DDX6: variants seen among roughly 807,000 people sequenced by gnomAD.
DDX6 encodes DEAD-box helicase 6.
In DDX6, 7 loss-of-function variants were observed where a neutral mutation model predicts 60.6. The ratio of observed to expected loss-of-function variants is 0.12; its 90% CI spans 0.07 to 0.22. The LOEUF (loss-of-function observed/expected upper bound fraction) is 0.22, where lower values mean the gene tolerates loss of function less well. DDX6 is among the 10% of genes least tolerant of loss of function. DDX6 has a pLI of 1.00. For synonymous variants in DDX6, 207 were observed against 201.0 expected, an observed-to-expected ratio of 1.03 and a Z score of -0.25; for missense variants, 270 against 589.9, an observed-to-expected ratio of 0.46 and a Z score of 5.62.
At chr11:118,780,114 C>CAAAAAAAAAAAAAAAAAAA (rs71044492) in intron 3 of DDX6, among the ~76,000 whole-genome samples, 1 of 40,286 alleles carries the variant, frequency 2.5e-5, no homozygotes. Flanking sequence ...GACTCTATCT[C>CAAAAAAAAAAAAAAAAAAA]AAAAAAAAAA....
chr11:118,747,914 C>CG lies in DDX6; in HGVS notation c.*4190_*4191insC, dbSNP rs1479868432. ...AACAAAAACAGAGCCCCCCCCCCCC[C>CG]CACTGGAACATCTGCCAATTAAGAG... On this transcript the variant is annotated 3_prime_UTR_variant, in exon 14 of 14. Transcript: ENST00000534980. 1 of 115,112 alleles carries CG rather than the reference C, an allele frequency of 8.7e-6. No homozygotes were observed. The highest frequency in any genetic ancestry group is 1.9e-5 in the Non-Finnish European group (1 of 54,046). 7.1% of individuals were successfully genotyped at this position (115,112 alleles called of 1,614,324 possible).
At chr11:118,761,997 G>A (rs905990627) in intron 7 of DDX6, among the ~76,000 whole-genome samples, 2 of 151,440 alleles carry the variant, frequency 1.3e-5, no homozygotes, top group Non-Finnish European at 3.0e-5. Flanking sequence ...AAACCAGGCC[G>A]GGCGTGGTGG....
chr11:118,777,986 A>G (rs946825984), intron 4 of DDX6, among the ~76,000 whole-genome samples: 3 of 151,694 alleles, frequency 2.0e-5, no homozygotes, highest in African/African-American at 4.8e-5. Flanking sequence ...AAGAGCTTAC[A>G]TTGGCCAGAT....
chr11:118,777,538 G>A (rs1257443906), intron 4 of DDX6, among the ~76,000 whole-genome samples: 1 of 152,110 alleles, frequency 6.6e-6, no homozygotes, highest in African/African-American at 2.4e-5. Flanking sequence ...AAGGATCCTT[G>A]GATGCCAATG....
chr11:118,768,834 T>C (rs1565569769), intron 4 of DDX6, among the ~76,000 whole-genome samples: 1 of 149,148 alleles, frequency 6.7e-6, no homozygotes, highest in Non-Finnish European at 1.5e-5. Context: ...CTAGGCAACA[T>C]GGAAAAACCC....
intron 4 of DDX6, among the ~76,000 whole-genome samples, chr11:118,775,447 T>G (rs568025691): frequency 2.4e-4 from 36 of 152,254 alleles, no homozygotes; most frequent in African/African-American, 8.2e-4. Context: ...TCCTAATATT[T>G]GTGACTTGTA....
At chr11:118,781,838 G>C (rs1230176899) in intron 2 of DDX6, among the ~76,000 whole-genome samples, 1 of 152,036 alleles carries the variant, frequency 6.6e-6, no homozygotes, top group Non-Finnish European at 1.5e-5. Context: ...TGAGGCAGGG[G>C]AATCACTTGA....
intron 4 of DDX6, among the ~76,000 whole-genome samples, chr11:118,778,565 A>G (rs561195880): frequency 6.6e-6 from 1 of 152,294 alleles, no homozygotes; most frequent in East Asian, 1.9e-4. Flanking sequence ...CTGAACATCT[A>G]TCTTACTGGG....
intron 3 of DDX6, among the ~76,000 whole-genome samples, chr11:118,779,974 A>C (rs934414009): frequency 1.3e-5 from 2 of 151,838 alleles, no homozygotes; most frequent in Non-Finnish European, 2.9e-5. Context: ...AAAATTAGCC[A>C]GGGTGGTGGT....
At position 118,751,852 on chromosome 11, in the gene DDX6, T is replaced by C. The variant is rs566944; in HGVS notation, c.*253A>G. 187 of 429,954 alleles carry C rather than the reference T, an allele frequency of 4.3e-4. No individual in the cohort carries two copies. Among genetic ancestry groups the C allele is most frequent in the African/African-American group, 3.3e-3 (163 of 48,728 alleles). 26.6% of individuals were successfully genotyped at this position (429,954 alleles called of 1,614,324 possible). ...CTTGTCCCCTTTCCCCAGAAAACATTTTTTAAAAACCAGCAGTTAGTGCAA... is the reference window on the plus strand; with the variant it reads ...CTTGTCCCCTTTCCCCAGAAAACATCTTTTAAAAACCAGCAGTTAGTGCAA... On this transcript the variant is annotated 3_prime_UTR_variant, in exon 14 of 14. Transcript: ENST00000534980.
intron 5 of DDX6, 66 bp from the exon 6 acceptor site, chr11:118,765,421 T>G: frequency 6.5e-7 from 1 of 1,533,138 alleles, no homozygotes; most frequent in Non-Finnish European, 9.0e-7. Flanking sequence ...CTATACATCA[T>G]TATTTACAAA....
intron 6 of DDX6, among the ~76,000 whole-genome samples, chr11:118,763,838 TAAA>T (rs58341763): frequency 1.8e-4 from 24 of 134,320 alleles, no homozygotes; most frequent in Admixed American, 3.1e-4. Flanking sequence ...TGTCTCAAAT[TAAA>T]AAAAAAAAAA....
Position 118,757,138 on chromosome 11 carries a change from T to C in DDX6, c.1110+33A>G, listed in dbSNP as rs555739141. 12 of 1,082,676 alleles carry C rather than the reference T, an allele frequency of 1.1e-5. No individual in the cohort carries two copies. In the African/African-American group the frequency reaches 1.6e-4, roughly 15 times the overall value. The allele number at this position is 1,082,676 out of a possible 1,614,324, so 67.1% of individuals were successfully genotyped here. ...ACAAAATAAAGAAAGAGATTTCTTA[T>C]TAAATTTGTGCAAGTTCTAGTTTTA... On this transcript the variant is annotated intron_variant, in intron 10 of 13. Coordinates refer to ENST00000534980, the MANE Select transcript of DDX6 (RefSeq NM_004397.6).
chr11:118,751,973 A>C lies in DDX6; in HGVS notation c.*132T>G, dbSNP rs1860789207. On this transcript the variant is annotated 3_prime_UTR_variant, in exon 14 of 14. Transcript: ENST00000534980. ...TCTCTTCACCAGTTAAAAAAAGAAA[A>C]TGTCTGAGCTCTTTTAAGTCTTCAT... 1.8e-5 allele frequency: 7 copies of C among 391,580 alleles called. No individual in the cohort carries two copies. The highest frequency in any genetic ancestry group is 1.4e-4 in the South Asian group (7 of 50,900). The allele number at this position is 391,580 out of a possible 1,614,324, so 24.3% of individuals were successfully genotyped here.
chr11:118,760,823 CAA>C (rs544626778), intron 7 of DDX6, among the ~76,000 whole-genome samples: 8 of 56,524 alleles, frequency 1.4e-4, no homozygotes, highest in Non-Finnish European at 2.0e-4. Context: ...TACTCCGTCT[CAA>C]AAAAAAAAAA....
rs544122245 is a variant in DDX6, at chr11:118,767,438, T to C, written c.499+785A>G. On this transcript the variant is annotated intron_variant, in intron 5 of 13. Transcript: ENST00000534980. The stretch of plus-strand genomic sequence containing the variant: ...GAAATCTTAATTCCATTAACTTACA[T>C]TGAATATAACTATGAAAATTTTTTA... Among the ~76,000 whole-genome samples, 156 of 152,282 alleles carry C rather than the reference T, an allele frequency of 1.0e-3. 1 individual carries two copies. The highest frequency in any genetic ancestry group is 6.0e-3 in the Admixed American group (91 of 15,284).
intron 4 of DDX6, among the ~76,000 whole-genome samples, chr11:118,774,431 C>T (rs1591912588): frequency 6.7e-6 from 1 of 148,830 alleles, no homozygotes; most frequent in Admixed American, 6.7e-5. Context: ...CTTTTGAGAG[C>T]ATATAATTTT....
At position 118,790,217 on chromosome 11, in the gene DDX6, A is replaced by T. The variant is rs1591934432; in HGVS notation, c.-268+881T>A. 5 of 152,212 alleles carry T rather than the reference A, an allele frequency of 3.3e-5. 2 individuals carry two copies. Among genetic ancestry groups the T allele is most frequent in the Admixed American group, 3.3e-4 (5 of 15,276 alleles). 9.4% of individuals were successfully genotyped at this position (152,212 alleles called of 1,614,324 possible). ...ATTGACTAATGACTGGAACCCCGTA[A>T]CTGAAAGGAAATTTCTTGTCCCCCC... On this transcript the variant is annotated intron_variant, in intron 1 of 13. Coordinates refer to ENST00000534980, the MANE Select transcript of DDX6 (RefSeq NM_004397.6).
chr11:118,781,202 A>T lies in DDX6; in HGVS notation c.201-18T>A, dbSNP rs544232956. On this transcript the variant is annotated intron_variant, in intron 2 of 13. Transcript: ENST00000534980. Reference sequence around the variant, plus strand: ...CACCAGGTCTAGAGAGAATACAGTAAACTTGAAGTATCAAAATTCATAGCA... The same window carrying T: ...CACCAGGTCTAGAGAGAATACAGTATACTTGAAGTATCAAAATTCATAGCA... The T allele has an allele frequency of 2.0e-6, 3 of 1,528,580 alleles. No homozygotes were observed. Among genetic ancestry groups the T allele is most frequent in the South Asian group, 2.3e-5 (2 of 85,620 alleles). The allele number at this position is 1,528,580 out of a possible 1,614,324, so 94.7% of individuals were successfully genotyped here. A position where few individuals can be genotyped will look rare whatever the true frequency, so the allele number is the denominator to read the frequency against.
Sources: gnomAD v4.1 joint callset for allele counts (sites outside exome capture counted in the v4.1 genomes callset) on GRCh38, gnomAD v4.1.1 for gene constraint, MANE v1.5 for transcripts, NCBI Gene and HGNC (gene_info 2026-07-23, HGNC 2026-07-21) for gene names.